The following OR10D3 variants were observed in gnomAD, a reference collection of about 807,000 sequenced individuals.
OR10D3 encodes the protein olfactory receptor 10D3.
For missense variants in OR10D3, 286 were observed against 153.7 expected (o/e 1.86, Z -4.55); for synonymous variants, 100 against 57.6 (o/e 1.74, Z -3.33).
intron 1 of OR10D3, among the ~76,000 whole-genome samples, chr11:124,184,808 C>T (rs573570781): frequency 7.3e-4 from 111 of 152,268 alleles, no homozygotes; most frequent in African/African-American, 2.4e-3. Context: ...CCTTAAAAAA[C>T]GTAGACATAA....
At chr11:124,186,064 C>A (rs1431169547) in exon 2 of OR10D3, 1 of 703,262 alleles carries the variant, frequency 1.4e-6, no homozygotes, top group African/African-American at 1.7e-5. Flanking sequence ...CCACACCCAA[C>A]CCCATGCTGG....
At chr11:124,184,976 CTT>C (rs1861202869) in intron 1 of OR10D3, among the ~76,000 whole-genome samples, 1 of 152,198 alleles carries the variant, frequency 6.6e-6, no homozygotes, top group South Asian at 2.1e-4. Context: ...CCTGCCCTCT[CTT>C]TAAAAATCTT....
At chr11:124,185,617 G>A (rs1258570354) in exon 2 of OR10D3, 24 of 703,540 alleles carry the variant, frequency 3.4e-5, no homozygotes, top group Non-Finnish European at 5.2e-5. Context: ...TCTTGTTTAC[G>A]GTGATGGCCT....
exon 2 of OR10D3, chr11:124,188,205 C>T (rs537592130): frequency 6.6e-6 from 1 of 152,300 alleles, no homozygotes; most frequent in East Asian, 1.9e-4. Flanking sequence ...AACGATTAGG[C>T]ATACGAAGAG....
chr11:124,186,141 G>T (rs557725183), exon 2 of OR10D3: 1 of 702,970 alleles, frequency 1.4e-6, no homozygotes, highest in East Asian at 2.7e-5. Flanking sequence ...TATACCTTGA[G>T]GAATAAGGAA....
chr11:124,183,409 CCTCTTTCTCTCTCTTTCTTTCTCTCT>C (rs1861183901), intron 1 of OR10D3, 26 bp downstream of exon 1: 1 of 146,010 alleles, frequency 6.8e-6, no homozygotes, highest in Admixed American at 6.8e-5. Context: ...GCCATCTTTG[CCTCTTTCTCTCTCTTTCTTTCTCTCT>C]CTCTTTCTCT....
chr11:124,185,278 G>A (rs1474812195), exon 2 of OR10D3: 1 of 702,630 alleles, frequency 1.4e-6, no homozygotes, highest in Non-Finnish European at 2.6e-6. Flanking sequence ...CCATGGAGGT[G>A]AAGAACTGCT....
chr11:124,184,196 C>T (rs1288293104), intron 1 of OR10D3: 2 of 152,126 alleles, frequency 1.3e-5, no homozygotes, highest in Admixed American at 6.5e-5. Flanking sequence ...GATCAAGTTG[C>T]TTTAGAAGAC....
At chr11:124,184,827 G>A (rs1861201216) in intron 1 of OR10D3, among the ~76,000 whole-genome samples, 2 of 152,254 alleles carry the variant, frequency 1.3e-5, no homozygotes, top group East Asian at 1.9e-4. Flanking sequence ...AAAATCTAAC[G>A]TTGTTGCTAA....
rs180964527 is a variant in OR10D3 at position 124,186,198 on chromosome 11, C to T, written c.929C>T (p.Pro310Leu). Residue 310 changes from proline (P) to leucine (L), a missense_variant, in exon 2 of 2, where the codon CCT becomes CTT. Pro to Leu is a moderately conservative substitution (Grantham distance 98). Coordinates refer to ENST00000641351, the Ensembl canonical transcript of OR10D3. ...ATATTGCACAGGACAGGCCATGTTCCTGAGAGTTAGTAAGAGCAGATAAAT... is the reference window on the plus strand; with the variant it reads ...ATATTGCACAGGACAGGCCATGTTCTTGAGAGTTAGTAAGAGCAGATAAAT... 6.3e-5 allele frequency: 44 copies of T among 698,540 alleles called. No homozygotes were observed. The East Asian group carries it at 9.4e-4, about 15-fold the overall frequency. The allele number at this position is 698,540 out of a possible 1,614,324, so 43.3% of individuals were successfully genotyped here.
chr11:124,187,623 T>TC (rs1861240333), exon 2 of OR10D3: 4 of 152,208 alleles, frequency 2.6e-5, no homozygotes, highest in Admixed American at 2.6e-4. Context: ...CTTCATATTC[T>TC]CCTTTTTATC....
At chr11:124,184,948 G>A (rs548186415) in intron 1 of OR10D3, among the ~76,000 whole-genome samples, 3 of 152,176 alleles carry the variant, frequency 2.0e-5, no homozygotes, top group African/African-American at 7.2e-5. Context: ...GGGAGGAGGA[G>A]CATGTGTTTG....
chr11:124,185,793 A>G (rs1458275150), exon 2 of OR10D3: 2 of 703,518 alleles, frequency 2.8e-6, no homozygotes, highest in Admixed American at 4.0e-5. Flanking sequence ...AATGAAGTGG[A>G]TCACTTCTTC....
exon 2 of OR10D3, chr11:124,186,636 A>G (rs947958865): frequency 2.0e-5 from 3 of 153,666 alleles, no homozygotes; most frequent in Non-Finnish European, 4.3e-5. Context: ...TTTTAAAAAT[A>G]TATTAACAGA....
At chr11:124,186,420 A>G (rs1861226739) in exon 2 of OR10D3, 1 of 400,658 alleles carries the variant, frequency 2.5e-6, no homozygotes, top group African/African-American at 2.1e-5. Flanking sequence ...TCAAAGTCAT[A>G]TAGTCTTGTT....
At chr11:124,184,937 C>T (rs2466585) in intron 1 of OR10D3, among the ~76,000 whole-genome samples, 78,095 of 152,052 alleles carry the variant, frequency 0.51, 20,109 homozygotes, top group East Asian at 0.6. Context: ...CCTTCTACCC[C>T]GGGAGGAGGA....
exon 2 of OR10D3, chr11:124,185,335 G>T (rs1861207346): frequency 2.8e-6 from 2 of 703,216 alleles, no homozygotes; most frequent in East Asian, 2.7e-5. Flanking sequence ...ACACAGAGGG[G>T]CTGGAGATGA....
At chr11:124,186,515 T>TTTG (rs1555044509) in exon 2 of OR10D3, 3 of 209,886 alleles carry the variant, frequency 1.4e-5, no homozygotes, top group African/African-American at 6.9e-5. Context: ...TTTTTTTTTT[T>TTTG]GCATCACTTT....
In OR10D3 at chr11:124,186,255, G is replaced by T; in HGVS notation, c.*47G>T. 4.8e-6 allele frequency: 3 copies of T among 631,114 alleles called. No individual in the cohort carries two copies. The South Asian group carries it at 5.6e-5, about 12-fold the overall frequency. The allele number at this position is 631,114 out of a possible 1,614,324, so 39.1% of individuals were successfully genotyped here. On this transcript the variant is annotated 3_prime_UTR_variant, in exon 2 of 2. Transcript: ENST00000641351. Reference sequence around the variant, plus strand: ...ATGGCTCTGGAATTCCTTTTGCTTTGACCTAAGAAATTTCATTCTGGAATC... The same window carrying T: ...ATGGCTCTGGAATTCCTTTTGCTTTTACCTAAGAAATTTCATTCTGGAATC...
Sources: gnomAD v4.1 joint callset for allele counts (sites outside exome capture counted in the v4.1 genomes callset) on GRCh38, gnomAD v4.1.1 for gene constraint, MANE v1.5 for transcripts, NCBI Gene and HGNC (gene_info 2026-07-23, HGNC 2026-07-21) for gene names.